The following MLLT3 variants were observed in gnomAD, a reference collection of about 807,000 sequenced individuals.
The protein encoded by MLLT3 is MLLT3 super elongation complex subunit, also known as protein AF-9.
In MLLT3, 4 loss-of-function variants were observed where a neutral mutation model predicts 53.2. The observed-to-expected ratio is 0.08, with a 90% confidence interval of 0.04 to 0.17. The LOEUF (loss-of-function observed/expected upper bound fraction) is 0.17. Ranked by LOEUF, MLLT3 falls within the 10% of genes least tolerant of loss-of-function variation. The pLI, the probability that MLLT3 is intolerant of heterozygous loss-of-function variation, is 1.00. For synonymous variants in MLLT3, 283 were observed against 230.6 expected (o/e 1.23, Z -2.06); for missense variants, 569 against 684.0 (o/e 0.83, Z 1.87).
chr9:20,433,422 A>G (rs564570764), intron 4 of MLLT3, among the ~76,000 whole-genome samples: 12 of 152,292 alleles, frequency 7.9e-5, no homozygotes, highest in African/African-American at 2.6e-4. Flanking sequence ...AAGTCTGAGG[A>G]AAAATGGGAT....
At chr9:20,587,385 C>G (rs1819999966) in intron 2 of MLLT3, among the ~76,000 whole-genome samples, 1 of 152,086 alleles carries the variant, frequency 6.6e-6, no homozygotes. Flanking sequence ...AAAGCAGACA[C>G]TCTTGGAAGT....
intron 2 of MLLT3, among the ~76,000 whole-genome samples, chr9:20,517,062 A>C (rs1256927742): frequency 6.6e-6 from 1 of 152,192 alleles, no homozygotes; most frequent in Non-Finnish European, 1.5e-5. Flanking sequence ...CATTTTGTTC[A>C]ATAAGCATTG....
intron 1 of MLLT3, chr9:20,622,023 G>T: frequency 7.4e-7 from 1 of 1,347,516 alleles, no homozygotes; most frequent in Non-Finnish European, 9.6e-7. Context: ...GCGAGTGTGA[G>T]CGTGTGTGAG....
At chr9:20,587,175 G>C (rs968435624) in intron 2 of MLLT3, among the ~76,000 whole-genome samples, 1 of 129,776 alleles carries the variant, frequency 7.7e-6, no homozygotes, top group African/African-American at 2.8e-5. Context: ...ACAGATAGCA[G>C]ATAGCTAGGC....
intron 2 of MLLT3, among the ~76,000 whole-genome samples, chr9:20,596,484 G>T (rs1820270097): frequency 6.6e-6 from 1 of 152,186 alleles, no homozygotes; most frequent in Non-Finnish European, 1.5e-5. Context: ...GAGGTCAGGA[G>T]TTCAAGACCA....
chr9:20,509,357 CT>C (rs1462405722), intron 2 of MLLT3, among the ~76,000 whole-genome samples: 2 of 152,078 alleles, frequency 1.3e-5, no homozygotes, highest in African/African-American at 2.4e-5. Context: ...CAAAGTTCAG[CT>C]GAAATGTAGT....
chr9:20,546,666 A>T (rs1818796823), intron 2 of MLLT3, among the ~76,000 whole-genome samples: 1 of 152,214 alleles, frequency 6.6e-6, no homozygotes, highest in South Asian at 2.1e-4. Context: ...CTGAATGTGC[A>T]TTTAGAGTTC....
chr9:20,491,583 T>G (rs566355063), intron 2 of MLLT3, among the ~76,000 whole-genome samples: 1 of 152,298 alleles, frequency 6.6e-6, no homozygotes, highest in African/African-American at 2.4e-5. Flanking sequence ...CTCAAAGAGT[T>G]ACTGCTAAAG....
rs1375375026 is a variant in MLLT3, at chr9:20,345,545, C to T, written c.*898G>A. Reference sequence around the variant, plus strand: ...TGGAATGCCTTTACTTCCATATTCACCTAATATTGTAACAGTAAAACAGAC... The same window carrying T: ...TGGAATGCCTTTACTTCCATATTCATCTAATATTGTAACAGTAAAACAGAC... On this transcript the variant is annotated 3_prime_UTR_variant, in exon 11 of 11. Coordinates refer to ENST00000380338, the MANE Select transcript of MLLT3 (RefSeq NM_004529.4). 5.0e-6 allele frequency: 1 copy of T among 201,068 alleles called. No individual in the cohort carries two copies. Among genetic ancestry groups the T allele is most frequent in the African/African-American group, 2.3e-5 (1 of 43,428 alleles). The allele number at this position is 201,068 out of a possible 1,614,324, so 12.5% of individuals were successfully genotyped here.
In MLLT3 at chr9:20,530,719, A is replaced by G. The variant is rs1281793534; in HGVS notation, c.194-73933T>C. On this transcript the variant is annotated intron_variant, in intron 2 of 10. Transcript: ENST00000380338. ...GCTTGCTCTGTAGCCCATCCTCTAC[A>G]TCCTGGGTTTCAATCGATTCTCCTG... Among the ~76,000 whole-genome samples the G allele has an allele frequency of 2.6e-5, 4 of 152,190 alleles. No individual in the cohort carries two copies. In the East Asian group the frequency reaches 5.8e-4, roughly 22 times the overall value.
At chr9:20,500,188 T>C (rs1402349775) in intron 2 of MLLT3, among the ~76,000 whole-genome samples, 1 of 152,196 alleles carries the variant, frequency 6.6e-6, no homozygotes. Context: ...ACTGAAATGG[T>C]GCCTGAAGCA....
chr9:20,563,147 T>A (rs1474060995), intron 2 of MLLT3, among the ~76,000 whole-genome samples: 3 of 151,920 alleles, frequency 2.0e-5, no homozygotes, highest in Non-Finnish European at 2.9e-5. Flanking sequence ...AAGGAAAAAA[T>A]TTATCCCTGA....
chr9:20,476,808 A>G (rs564566688), intron 2 of MLLT3, among the ~76,000 whole-genome samples: 1 of 152,284 alleles, frequency 6.6e-6, no homozygotes, highest in Non-Finnish European at 1.5e-5. Flanking sequence ...TATTAAATAG[A>G]AATTGTTAAG....
intron 4 of MLLT3, among the ~76,000 whole-genome samples, chr9:20,437,046 C>T (rs974424721): frequency 6.6e-6 from 1 of 151,816 alleles, no homozygotes; most frequent in African/African-American, 2.4e-5. Context: ...TACTAAGCAC[C>T]AATACCAGCA....
At chr9:20,553,432 C>T (rs1045227452) in intron 2 of MLLT3, among the ~76,000 whole-genome samples, 2 of 152,076 alleles carry the variant, frequency 1.3e-5, no homozygotes, top group African/African-American at 4.8e-5. Context: ...GTGCCCAGGA[C>T]ATGAGAGAAA....
intron 2 of MLLT3, among the ~76,000 whole-genome samples, chr9:20,504,006 C>G (rs146594014): frequency 1.6e-4 from 24 of 152,236 alleles, no homozygotes; most frequent in African/African-American, 5.3e-4. Context: ...AATGAGATAT[C>G]ACTTCACACG....
chr9:20,363,472 TC>T lies in MLLT3; in HGVS notation c.1331+3del. On this transcript the variant is annotated splice_donor_region_variant and intron_variant, in intron 7 of 10. Transcript: ENST00000380338. ...GGCAACCCCTTTCCTTCCAAGATAC[TC>T]ACCTGCGACTTCGGCTGCCTCCTCT... 1 of 1,613,006 alleles carries T rather than the reference TC, an allele frequency of 6.2e-7. No individual in the cohort carries two copies. Among genetic ancestry groups the T allele is most frequent in the Non-Finnish European group, 8.5e-7 (1 of 1,179,474 alleles).
At chr9:20,567,823 G>A (rs1819419655) in intron 2 of MLLT3, among the ~76,000 whole-genome samples, 1 of 152,110 alleles carries the variant, frequency 6.6e-6, no homozygotes, top group Admixed American at 6.6e-5. Context: ...TTCTAACCCT[G>A]AAACTAACAG....
chr9:20,605,822 T>C (rs1017039277), intron 2 of MLLT3, among the ~76,000 whole-genome samples: 4 of 152,078 alleles, frequency 2.6e-5, no homozygotes, highest in Non-Finnish European at 5.9e-5. Flanking sequence ...TTTTATACCA[T>C]CTTAAGTAGA....
Sources: gnomAD v4.1 joint callset for allele counts (sites outside exome capture counted in the v4.1 genomes callset) on GRCh38, gnomAD v4.1.1 for gene constraint, MANE v1.5 for transcripts, NCBI Gene and HGNC (gene_info 2026-07-23, HGNC 2026-07-21) for gene names.